NAV2: variants seen among roughly 807,000 people sequenced by gnomAD.
NAV2 encodes the protein neuron navigator 2.
NAV2 carries 54 observed loss-of-function variants against 223.2 expected under a neutral mutation model. That is an observed-to-expected ratio of 0.24 (90% CI 0.19 to 0.30). The LOEUF is 0.30. NAV2 is among the 10% of genes least tolerant of loss of function. The pLI, the probability that NAV2 is intolerant of heterozygous loss-of-function variation, is 1.00. For synonymous variants in NAV2, 1,279 were observed against 1,239.3 expected (o/e 1.03, Z -0.67); for missense variants, 2,806 against 3,147.5 (o/e 0.89, Z 2.60).
At chr11:19,391,479 T>G (rs76914133) in intron 1 of NAV2, among the ~76,000 whole-genome samples, 277 of 152,354 alleles carry the variant, frequency 1.8e-3, no homozygotes, top group African/African-American at 6.5e-3. Context: ...GGAGATCAAG[T>G]ATTTTAAACC....
intron 1 of NAV2, among the ~76,000 whole-genome samples, chr11:19,789,608 A>G (rs148423942): frequency 1.6e-4 from 25 of 152,374 alleles, no homozygotes; most frequent in African/African-American, 5.8e-4. Flanking sequence ...CAGAGACGGT[A>G]TATTCAGGTC....
Position 19,555,713 on chromosome 11 carries a change from T to C in NAV2, c.75+204686T>C, listed in dbSNP as rs114617866. On this transcript the variant is annotated intron_variant, in intron 1 of 37. Coordinates refer to the NAV2 transcript ENST00000360655. ...TTCTTTCTAGCATTCTCTGAGGGTG[T>C]GGGGTTTGTATGTCCTGAAGACCCC... Among the ~76,000 whole-genome samples, 700 of 152,242 alleles carry C rather than the reference T, an allele frequency of 4.6e-3. 4 individuals are homozygous for C. The highest frequency in any genetic ancestry group is 0.016 in the African/African-American group (673 of 41,526).
intron 19 of NAV2, among the ~76,000 whole-genome samples, chr11:20,056,848 A>G (rs779738863): frequency 1.3e-5 from 2 of 152,258 alleles, no homozygotes; most frequent in African/African-American, 2.4e-5. Context: ...TAGGAGTAAT[A>G]ATAGTATTCA....
At chr11:19,577,471 C>A (rs2045601893) in intron 1 of NAV2, among the ~76,000 whole-genome samples, 1 of 152,238 alleles carries the variant, frequency 6.6e-6, no homozygotes, top group Non-Finnish European at 1.5e-5. Flanking sequence ...GGCCTCTGGG[C>A]CCTGACCCCG....
chr11:19,390,369 G>T (rs1849200221), intron 1 of NAV2, among the ~76,000 whole-genome samples: 1 of 152,126 alleles, frequency 6.6e-6, no homozygotes, highest in South Asian at 2.1e-4. Flanking sequence ...ATGACTCCCA[G>T]ATCTGCCCTG....
At chr11:19,724,071 G>T (rs2051015936) in intron 1 of NAV2, among the ~76,000 whole-genome samples, 1 of 152,214 alleles carries the variant, frequency 6.6e-6, no homozygotes, top group African/African-American at 2.4e-5. Flanking sequence ...AAGTACTAGA[G>T]ACTTAGGACA....
At chr11:19,769,691 GAGTT>G (rs1163450050) in intron 1 of NAV2, among the ~76,000 whole-genome samples, 7 of 152,278 alleles carry the variant, frequency 4.6e-5, no homozygotes, top group African/African-American at 1.7e-4. Context: ...AACAAAAATG[GAGTT>G]AGTTTACCTA....
At chr11:19,552,761 C>G (rs938430797) in intron 1 of NAV2, among the ~76,000 whole-genome samples, 4 of 152,176 alleles carry the variant, frequency 2.6e-5, no homozygotes, top group African/African-American at 9.7e-5. Flanking sequence ...GGCCAGCGTG[C>G]TGTGAGGATT....
intron 1 of NAV2, among the ~76,000 whole-genome samples, chr11:19,814,316 G>T (rs1423630333): frequency 6.6e-6 from 1 of 152,100 alleles, no homozygotes; most frequent in Non-Finnish European, 1.5e-5. Context: ...GACTTGCTTG[G>T]GGGAAACTGG....
intron 1 of NAV2, among the ~76,000 whole-genome samples, chr11:19,703,113 T>C (rs1030717378): frequency 6.6e-6 from 1 of 150,392 alleles, no homozygotes; most frequent in African/African-American, 2.4e-5. Context: ...GGCTAATATA[T>C]ATAAATAATA....
intron 1 of NAV2, among the ~76,000 whole-genome samples, chr11:19,508,831 C>T (rs2043195615): frequency 6.6e-6 from 1 of 152,204 alleles, no homozygotes; most frequent in Non-Finnish European, 1.5e-5. Flanking sequence ...AGTAAAACCT[C>T]CGAAATCTCA....
rs764794415 is a variant in NAV2 at position 19,879,999 on chromosome 11, C to T, written c.642C>T (p.Ala214=). 4.8e-5 allele frequency: 77 copies of T among 1,613,670 alleles called. 1 individual carries two copies. The South Asian group carries it at 5.3e-4, about 11-fold the overall frequency. The stretch of plus-strand genomic sequence containing the variant: ...TGCCGCCCGCCGTATCCCAGGTGGC[C>T]GGGGCCCCCTCCCAGTGCCAGGCTG... ...SPLPPAVSQV[A]GAPSQCQAGT... The change falls in exon 5 of 38, where the codon GCC becomes GCT. Residue 214 remains alanine, a synonymous_variant. Coordinates refer to ENST00000349880, the MANE Select transcript of NAV2 (RefSeq NM_145117.5).
At chr11:19,564,338 C>G (rs2045198246) in intron 1 of NAV2, among the ~76,000 whole-genome samples, 1 of 152,244 alleles carries the variant, frequency 6.6e-6, no homozygotes, top group Non-Finnish European at 1.5e-5. Context: ...TCTGGTGATG[C>G]TCACAAGACA....
rs117469722 is a variant in NAV2, at chr11:19,771,410, C to T, written c.267+57448C>T. Among the ~76,000 whole-genome samples the T allele has an allele frequency of 1.6e-3, 237 of 152,100 alleles. 3 individuals are homozygous for T. The East Asian group carries it at 0.024, about 15-fold the overall frequency. Reference sequence around the variant, plus strand: ...TTTGCTCTGAGTCTTGAAAGATCAACGTGATATCAATTGGTAGAGAATGGA... The same window carrying T: ...TTTGCTCTGAGTCTTGAAAGATCAATGTGATATCAATTGGTAGAGAATGGA... On this transcript the variant is annotated intron_variant, in intron 1 of 37. Transcript: ENST00000349880.
chr11:20,002,432 C>T (rs1012048168), intron 11 of NAV2, among the ~76,000 whole-genome samples: 1 of 152,074 alleles, frequency 6.6e-6, no homozygotes, highest in African/African-American at 2.4e-5. Flanking sequence ...ACAGCGCAGT[C>T]AGGGAGATGT....
chr11:19,714,171 G>A lies in NAV2; in HGVS notation c.267+209G>A, dbSNP rs957764289. ...CCCGGGTGCCGGAGGTTTGCCTTAAGAGCTCTTCGAGACCTGGGATGGCGG... is the reference window on the plus strand; with the variant it reads ...CCCGGGTGCCGGAGGTTTGCCTTAAAAGCTCTTCGAGACCTGGGATGGCGG... On this transcript the variant is annotated intron_variant, in intron 1 of 37. Coordinates refer to ENST00000349880, the MANE Select transcript of NAV2 (RefSeq NM_145117.5). The A allele has an allele frequency of 5.6e-6, 4 of 720,284 alleles. No homozygotes were observed. In the Admixed American group the frequency reaches 6.1e-5, roughly 11 times the overall value. The allele number at this position is 720,284 out of a possible 1,614,324, so 44.6% of individuals were successfully genotyped here.
chr11:19,831,599 A>G (rs1437871408), intron 1 of NAV2, among the ~76,000 whole-genome samples: 1 of 152,176 alleles, frequency 6.6e-6, no homozygotes, highest in Non-Finnish European at 1.5e-5. Context: ...ACTCAAAATC[A>G]GAAGGTTTTT....
At chr11:20,089,917 G>A (rs929527980) in intron 26 of NAV2, among the ~76,000 whole-genome samples, 2 of 152,158 alleles carry the variant, frequency 1.3e-5, no homozygotes, top group Non-Finnish European at 2.9e-5. Context: ...GTGCAGCAGG[G>A]AAAAGAAGAT....
intron 1 of NAV2, among the ~76,000 whole-genome samples, chr11:19,701,431 GAT>G (rs1336705794): frequency 6.6e-6 from 1 of 152,174 alleles, no homozygotes; most frequent in Non-Finnish European, 1.5e-5. Context: ...CCTTGGGAAG[GAT>G]AAGACCCTAA....
Sources: gnomAD v4.1 joint callset for allele counts (sites outside exome capture counted in the v4.1 genomes callset) on GRCh38, gnomAD v4.1.1 for gene constraint, MANE v1.5 for transcripts, NCBI Gene and HGNC (gene_info 2026-07-23, HGNC 2026-07-21) for gene names.